The following LOC400499 variants were observed in gnomAD, a reference collection of about 807,000 sequenced individuals.
chr16:11,492,562 A>C, the LOC400499 span, among the ~76,000 whole-genome samples: 1 of 151,768 alleles, frequency 6.6e-6, no homozygotes, highest in Non-Finnish European at 1.5e-5. Flanking sequence ...AGCTGGGAGG[A>C]TCATGAGGTC....
chr16:11,396,392 CAGAT>C, the LOC400499 span: 10 of 983,278 alleles, frequency 1.0e-5, no homozygotes, highest in South Asian at 3.8e-4. Flanking sequence ...TGCAGTTCCT[CAGAT>C]AGCCACTAGA....
At chr16:11,384,298 T>C in the LOC400499 span, 6 of 1,232,250 alleles carry the variant, frequency 4.9e-6, no homozygotes, top group African/African-American at 4.7e-5. Flanking sequence ...TTCATTGTCA[T>C]TGGTGCCCAG....
the LOC400499 span, among the ~76,000 whole-genome samples, chr16:11,503,951 C>T: frequency 6.6e-6 from 1 of 152,192 alleles, no homozygotes; most frequent in South Asian, 2.1e-4. Flanking sequence ...CTAATGGGCT[C>T]GGCCACATTT....
the LOC400499 span, chr16:11,460,382 G>T: frequency 1.5e-6 from 2 of 1,352,820 alleles, no homozygotes; most frequent in Non-Finnish European, 1.9e-6. Flanking sequence ...TTGTGAGCAA[G>T]TCCATCTCTT....
chr16:11,402,077 T>C, the LOC400499 span: 1 of 399,140 alleles, frequency 2.5e-6, no homozygotes, highest in Middle Eastern at 6.3e-4. Context: ...GCCATCCCGG[T>C]GGCTGCCTCC....
chr16:11,434,061 G>T, the LOC400499 span, among the ~76,000 whole-genome samples: 1 of 152,166 alleles, frequency 6.6e-6, no homozygotes, highest in African/African-American at 2.4e-5. Flanking sequence ...AGGGAGGACA[G>T]GAAGGGTCTA....
chr16:11,520,487 T>C, the LOC400499 span, among the ~76,000 whole-genome samples: 1 of 152,010 alleles, frequency 6.6e-6, no homozygotes, highest in African/African-American at 2.4e-5. Context: ...TAAAATCTCA[T>C]CTCTACTAAA....
chr16:11,389,147 C>G, the LOC400499 span, among the ~76,000 whole-genome samples: 3 of 152,154 alleles, frequency 2.0e-5, no homozygotes, highest in Non-Finnish European at 4.4e-5. Context: ...GTGACCCCCA[C>G]CTGGAGCGCT....
the LOC400499 span, among the ~76,000 whole-genome samples, chr16:11,490,604 G>A: frequency 5.3e-5 from 8 of 152,126 alleles, no homozygotes; most frequent in African/African-American, 1.9e-4. Context: ...GGGAGGCTGA[G>A]GAAGGAGAAT....
chr16:11,492,508 G>C, the LOC400499 span, among the ~76,000 whole-genome samples: 12 of 152,016 alleles, frequency 7.9e-5, no homozygotes, highest in Non-Finnish European at 1.3e-4. Context: ...TGGTGGCCGG[G>C]CGCGGTGGCT....
chr16:11,400,254 C>T, the LOC400499 span, among the ~76,000 whole-genome samples: 132 of 152,094 alleles, frequency 8.7e-4, no homozygotes, highest in South Asian at 4.8e-3. Flanking sequence ...CCAAAGCACC[C>T]GGCTCATTCC....
the LOC400499 span, among the ~76,000 whole-genome samples, chr16:11,463,289 G>T: frequency 2.1e-5 from 3 of 141,544 alleles, no homozygotes; most frequent in Non-Finnish European, 4.5e-5. Context: ...CAGCTGGTCA[G>T]TTTACCCAAA....
the LOC400499 span, chr16:11,500,951 G>T: frequency 2.5e-6 from 1 of 398,940 alleles, no homozygotes. Context: ...AGGAAGGCAG[G>T]GCATCCAACA....
the LOC400499 span, chr16:11,448,193 T>G: frequency 7.9e-7 from 1 of 1,259,494 alleles, no homozygotes; most frequent in Non-Finnish European, 1.1e-6. Flanking sequence ...GAAATGACTA[T>G]CCGAGAATGG....
At chr16:11,459,992 C>A in the LOC400499 span, 9 of 1,510,150 alleles carry the variant, frequency 6.0e-6, no homozygotes, top group Non-Finnish European at 8.0e-6. Flanking sequence ...CCCAGTGCTT[C>A]CCGTAGCTCA....
At chr16:11,419,823 G>C in the LOC400499 span, among the ~76,000 whole-genome samples, 1 of 151,862 alleles carries the variant, frequency 6.6e-6, no homozygotes, top group Non-Finnish European at 1.5e-5. Context: ...CATTTATGCA[G>C]CCAAAAGACA....
At chr16:11,507,062 A>T in the LOC400499 span, among the ~76,000 whole-genome samples, 2 of 152,168 alleles carry the variant, frequency 1.3e-5, no homozygotes, top group African/African-American at 2.4e-5. Context: ...CCAGCGTCCA[A>T]AAGTGGAGAT....
chr16:11,384,146 C>T, the LOC400499 span: 2 of 1,215,284 alleles, frequency 1.6e-6, no homozygotes, highest in African/African-American at 1.6e-5. Flanking sequence ...CCTGCCTCTC[C>T]CGGGACTCTG....
chr16:11,475,105 C>T, the LOC400499 span, among the ~76,000 whole-genome samples: 3 of 152,130 alleles, frequency 2.0e-5, no homozygotes, highest in Admixed American at 6.5e-5. Flanking sequence ...TTTTCCCTTG[C>T]AGCTTGTGGA....
Sources: allele counts gnomAD v4.1 joint callset (sites outside exome capture counted in the v4.1 genomes callset), GRCh38; gene constraint gnomAD v4.1.1; transcripts MANE v1.5.